The following STPG2 variants were observed in gnomAD, a reference collection of about 807,000 sequenced individuals.
STPG2 encodes sperm-tail PG-rich repeat-containing protein 2.
In STPG2, 56 loss-of-function variants were observed where a neutral mutation model predicts 54.2. The ratio of observed to expected loss-of-function variants is 1.03; its 90% CI spans 0.83 to 1.29. STPG2 has a LOEUF of 1.29. Among genes scored for constraint, STPG2 ranks in the 50% most tolerant of loss-of-function variants. The pLI, the probability that STPG2 is intolerant of heterozygous loss-of-function variation, is 0.00. For synonymous variants in STPG2, 200 were observed against 181.8 expected, an observed-to-expected ratio of 1.10 and a Z score of -0.81; for missense variants, 596 against 544.9, an observed-to-expected ratio of 1.09 and a Z score of -0.93.
chr4:98,028,821 A>G (rs1463227166), intron 5 of STPG2, among the ~76,000 whole-genome samples: 1 of 152,084 alleles, frequency 6.6e-6, no homozygotes, highest in East Asian at 1.9e-4. Context: ...TAATATAAGC[A>G]TTAATTCTAT....
intron 8 of STPG2, among the ~76,000 whole-genome samples, chr4:97,941,881 GACTAA>G (rs1732997976): frequency 6.6e-6 from 1 of 151,850 alleles, no homozygotes; most frequent in African/African-American, 2.4e-5. Context: ...CTTTCTATGT[GACTAA>G]ACTATTCTGC....
chr4:97,953,643 C>T (rs990314666), intron 7 of STPG2, among the ~76,000 whole-genome samples: 6 of 152,216 alleles, frequency 3.9e-5, no homozygotes, highest in Admixed American at 3.9e-4. Context: ...CTTTCATATT[C>T]CCCATTGCTC....
At chr4:98,011,987 G>A (rs542574046) in intron 5 of STPG2, among the ~76,000 whole-genome samples, 1 of 151,966 alleles carries the variant, frequency 6.6e-6, no homozygotes, top group Non-Finnish European at 1.5e-5. Flanking sequence ...TCCGGCTTTT[G>A]TTTCAATTGC....
chr4:97,713,385 A>G (rs1223805956), intron 9 of STPG2, among the ~76,000 whole-genome samples: 1 of 152,190 alleles, frequency 6.6e-6, no homozygotes, highest in Non-Finnish European at 1.5e-5. Flanking sequence ...AAATTCTTAC[A>G]GAAGTGACCA....
chr4:98,019,268 T>C (rs545009206), intron 5 of STPG2, among the ~76,000 whole-genome samples: 50 of 152,344 alleles, frequency 3.3e-4, no homozygotes, highest in African/African-American at 1.2e-3. Context: ...ATTTATTAAA[T>C]AGGGAATCCC....
At chr4:97,677,809 G>A (rs1267073223) in intron 10 of STPG2, among the ~76,000 whole-genome samples, 1 of 152,092 alleles carries the variant, frequency 6.6e-6, no homozygotes, top group Non-Finnish European at 1.5e-5. Flanking sequence ...GCCTCCATAT[G>A]AGCCTTAAGC....
intron 5 of STPG2, among the ~76,000 whole-genome samples, chr4:98,054,525 G>A (rs1737424832): frequency 6.6e-6 from 1 of 151,932 alleles, no homozygotes; most frequent in Non-Finnish European, 1.5e-5. Context: ...AAATTCTTTG[G>A]TAAATCATCT....
At chr4:98,080,616 G>T (rs1560670061) in intron 5 of STPG2, among the ~76,000 whole-genome samples, 1 of 152,038 alleles carries the variant, frequency 6.6e-6, no homozygotes, top group Admixed American at 6.6e-5. Context: ...AACAAGGGAG[G>T]CCCATCTCAA....
chr4:97,964,609 T>A (rs965878614), intron 7 of STPG2, among the ~76,000 whole-genome samples: 2 of 152,100 alleles, frequency 1.3e-5, no homozygotes, highest in Admixed American at 1.3e-4. Flanking sequence ...CCCACAAATA[T>A]AATAAAATAA....
chr4:97,793,368 T>TAC (rs1483459576), intron 9 of STPG2, among the ~76,000 whole-genome samples: 17 of 136,196 alleles, frequency 1.2e-4, no homozygotes, highest in East Asian at 5.0e-4. Context: ...GAGTTTTATA[T>TAC]ATACACACAC....
chr4:97,796,698 C>G (rs1727195374), intron 9 of STPG2, among the ~76,000 whole-genome samples: 2 of 152,084 alleles, frequency 1.3e-5, no homozygotes, highest in African/African-American at 4.8e-5. Context: ...TTTCTTAGTT[C>G]CATATAAACT....
intron 8 of STPG2, among the ~76,000 whole-genome samples, chr4:97,841,580 T>A (rs1728803909): frequency 6.6e-6 from 1 of 151,852 alleles, no homozygotes; most frequent in African/African-American, 2.4e-5. Flanking sequence ...TTTAAACTCA[T>A]TTTCCTCAAA....
chr4:97,795,642 T>C (rs939451254), intron 9 of STPG2, among the ~76,000 whole-genome samples: 1 of 152,220 alleles, frequency 6.6e-6, no homozygotes, highest in Non-Finnish European at 1.5e-5. Context: ...CTATTGTGAA[T>C]AGTGCCACAA....
rs569127873 is a variant in STPG2 at position 98,120,593 on chromosome 4, A to C, written c.387+7835T>G. On this transcript the variant is annotated intron_variant, in intron 3 of 10. Transcript: ENST00000295268. ...GCATCTGTTGTTTCTTGACTTTTTA[A>C]TAATCGCCATTCTGACTGGTGTGAG... Among the ~76,000 whole-genome samples the C allele has an allele frequency of 3.9e-5, 6 of 152,270 alleles. No homozygotes were observed. The East Asian group carries it at 1.2e-3, about 29-fold the overall frequency.
chr4:97,917,543 G>C (rs1306488639), intron 8 of STPG2: 1 of 151,122 alleles, frequency 6.6e-6, no homozygotes, highest in Non-Finnish European at 1.5e-5. Flanking sequence ...ATTTACCCCT[G>C]GCTAAAAAAA....
At chr4:97,455,981 G>T (rs774758242) in intron 4 of STPG2, among the ~76,000 whole-genome samples, 1 of 152,136 alleles carries the variant, frequency 6.6e-6, no homozygotes, top group Non-Finnish European at 1.5e-5. Context: ...AATGTTTCCC[G>T]TGTCAATATT....
chr4:97,679,753 G>GC (rs1467675189), intron 10 of STPG2, among the ~76,000 whole-genome samples: 1 of 152,132 alleles, frequency 6.6e-6, no homozygotes, highest in Non-Finnish European at 1.5e-5. Context: ...GGTTTTTATG[G>GC]TTTTAGGTCT....
intron 10 of STPG2, among the ~76,000 whole-genome samples, chr4:97,632,587 A>G (rs1010516603): frequency 6.6e-6 from 1 of 152,162 alleles, no homozygotes; most frequent in Non-Finnish European, 1.5e-5. Context: ...GCAGTTTTCA[A>G]AAAGAATGTA....
At chr4:98,021,584 G>T in intron 5 of STPG2, among the ~76,000 whole-genome samples, 1 of 152,126 alleles carries the variant, frequency 6.6e-6, no homozygotes, top group Non-Finnish European at 1.5e-5. Context: ...TTAACTTTCT[G>T]TCTCATTGAT....
Sources: allele counts gnomAD v4.1 joint callset (sites outside exome capture counted in the v4.1 genomes callset), GRCh38; gene constraint gnomAD v4.1.1; transcripts MANE v1.5; gene names NCBI Gene and HGNC (gene_info 2026-07-23, HGNC 2026-07-21).